COPS4: variants seen among roughly 807,000 people sequenced by gnomAD.
The protein encoded by COPS4 is COP9 signalosome complex subunit 4.
Under a neutral mutation model 55.1 loss-of-function variants are expected in COPS4, and 8 were observed. The ratio of observed to expected loss-of-function variants is 0.15; its 90% CI spans 0.09 to 0.26. The LOEUF is 0.26. Ranked by LOEUF, COPS4 falls within the 10% of genes least tolerant of loss-of-function variation. The pLI, the probability that COPS4 is intolerant of heterozygous loss-of-function variation, is 1.00. For synonymous variants in COPS4, 185 were observed against 165.7 expected (o/e 1.12, Z -0.90); for missense variants, 248 against 484.0 (o/e 0.51, Z 4.58).
At chr4:83,065,105 G>A (rs1731263604) in intron 7 of COPS4, 1 of 670,362 alleles carries the variant, frequency 1.5e-6, no homozygotes, top group Non-Finnish European at 2.7e-6. Flanking sequence ...GAACTCCTGG[G>A]CTCAAGCAGT....
At chr4:83,070,443 T>C (rs1231446943) in intron 9 of COPS4, among the ~76,000 whole-genome samples, 1 of 152,198 alleles carries the variant, frequency 6.6e-6, no homozygotes. Context: ...CTGAATTTAT[T>C]ATCTTCCCTT....
intron 6 of COPS4, among the ~76,000 whole-genome samples, chr4:83,057,689 G>C (rs528314229): frequency 1.3e-5 from 2 of 151,998 alleles, no homozygotes; most frequent in African/African-American, 4.8e-5. Context: ...TTGGGAGGCC[G>C]AGGCGGGTGG....
chr4:83,063,859 G>A (rs894361563), intron 7 of COPS4, among the ~76,000 whole-genome samples: 17 of 151,968 alleles, frequency 1.1e-4, no homozygotes, highest in East Asian at 3.9e-4. Context: ...ACATGCATGC[G>A]CCACCACGCC....
At chr4:83,041,467 C>T (rs186065447) in intron 1 of COPS4, among the ~76,000 whole-genome samples, 57 of 152,132 alleles carry the variant, frequency 3.7e-4, no homozygotes, top group Middle Eastern at 6.8e-3. Flanking sequence ...TTATTATCTA[C>T]GAAGCCTTAT....
intron 4 of COPS4, among the ~76,000 whole-genome samples, chr4:83,055,080 A>G (rs1296778002): frequency 1.3e-5 from 2 of 152,254 alleles, no homozygotes; most frequent in African/African-American, 4.8e-5. Context: ...CCCCCAAATC[A>G]ATAAAGTATA....
rs1731204673 is a variant in COPS4, at chr4:83,063,149, C to T, written c.789C>T (p.Ile263=). 1.9e-6 allele frequency: 3 copies of T among 1,609,918 alleles called. No homozygotes were observed. Among genetic ancestry groups the T allele is most frequent in the Non-Finnish European group, 2.5e-6 (3 of 1,178,382 alleles). Residue 263 remains isoleucine, a synonymous_variant, in exon 7 of 10, where the codon ATC becomes ATT. Transcript: ENST00000264389. ...GCCAGCAACTTGCTGCCTATGGGAT[C>T]CTAGAGAAAATGTATCTAGATAGGA... is the stretch of plus-strand genomic sequence containing the variant. ...ERCQQLAAYG[I]LEKMYLDRII...
intron 6 of COPS4, among the ~76,000 whole-genome samples, chr4:83,057,920 A>G: frequency 7.3e-6 from 1 of 136,702 alleles, no homozygotes; most frequent in African/African-American, 2.8e-5. Flanking sequence ...ACTCTGTCTC[A>G]AAAAAAAAAA....
At position 83,057,338 on chromosome 4, in the gene COPS4, A is replaced by G; in HGVS notation, c.645A>G (p.Thr215=). 6.2e-7 allele frequency: 1 copy of G among 1,613,500 alleles called. No homozygotes were observed. The highest frequency in any genetic ancestry group is 8.5e-7 in the Non-Finnish European group (1 of 1,179,772). ...AQRYNELSYK[T]IVHESERLEA... ...GGTACAATGAGCTCTCTTACAAGAC[A>G]ATAGTCCACGAAAGTGAAAGACTAG... The change falls in exon 6 of 10, where the codon ACA becomes ACG. Residue 215 remains threonine (T), a synonymous_variant. Coordinates refer to ENST00000264389, the MANE Select transcript of COPS4 (RefSeq NM_016129.3).
At chr4:83,044,074 C>T (rs1371523821) in intron 1 of COPS4, among the ~76,000 whole-genome samples, 7 of 152,268 alleles carry the variant, frequency 4.6e-5, no homozygotes, top group South Asian at 2.1e-4. Flanking sequence ...ATATTTATTT[C>T]GTAACTCTAT....
intron 1 of COPS4, among the ~76,000 whole-genome samples, chr4:83,042,715 C>T (rs1158854297): frequency 6.6e-6 from 1 of 151,822 alleles, no homozygotes; most frequent in Non-Finnish European, 1.5e-5. Flanking sequence ...CAATCCTCCC[C>T]CCTCAGCCTC....
intron 1 of COPS4, among the ~76,000 whole-genome samples, chr4:83,042,212 C>T (rs1393937575): frequency 1.3e-5 from 2 of 152,130 alleles, no homozygotes; most frequent in East Asian, 1.9e-4. Context: ...TTTTAATCTT[C>T]CCCTTTGTCT....
intron 4 of COPS4, among the ~76,000 whole-genome samples, chr4:83,052,968 A>C (rs185694075): frequency 4.6e-4 from 70 of 152,298 alleles, no homozygotes; most frequent in South Asian, 2.9e-3. Context: ...GGTTGAGGAG[A>C]GACAATAATG....
At chr4:83,050,031 A>AGTC in intron 4 of COPS4, 47 bp downstream of exon 4, 1 of 1,112,850 alleles carries the variant, frequency 9.0e-7, no homozygotes, top group Non-Finnish European at 1.3e-6. Flanking sequence ...GGATGTATAT[A>AGTC]ATTGCTCACT....
At chr4:83,053,877 C>A (rs1028544992) in intron 4 of COPS4, among the ~76,000 whole-genome samples, 6 of 147,134 alleles carry the variant, frequency 4.1e-5, no homozygotes, top group Non-Finnish European at 9.0e-5. Flanking sequence ...CTTACTCAAC[C>A]AATCTTACCT....
At chr4:83,051,698 A>C (rs755846809) in intron 4 of COPS4, among the ~76,000 whole-genome samples, 15 of 152,108 alleles carry the variant, frequency 9.9e-5, no homozygotes, top group Non-Finnish European at 2.1e-4. Context: ...ATTAGTCTGG[A>C]GATTAGAAGA....
chr4:83,054,873 T>A (rs1730977989), intron 4 of COPS4, among the ~76,000 whole-genome samples: 1 of 152,230 alleles, frequency 6.6e-6, no homozygotes, highest in Non-Finnish European at 1.5e-5. Flanking sequence ...GGGAACTTTT[T>A]CTTTCAAAAA....
At chr4:83,075,162 T>A in intron 9 of COPS4, 135 bp from the exon 10 acceptor site, 2 of 691,972 alleles carry the variant, frequency 2.9e-6, no homozygotes, top group Non-Finnish European at 4.7e-6. Context: ...GAATAGCTTT[T>A]TTCTGTTTTT....
At chr4:83,059,307 T>G (rs1221377372) in intron 6 of COPS4, among the ~76,000 whole-genome samples, 1 of 152,218 alleles carries the variant, frequency 6.6e-6, no homozygotes, top group African/African-American at 2.4e-5. Flanking sequence ...TTTGTTGACT[T>G]GCTTAGACAA....
chr4:83,066,636 A>G, intron 8 of COPS4, 83 bp downstream of exon 8: 1 of 680,608 alleles, frequency 1.5e-6, no homozygotes, highest in East Asian at 3.1e-5. Context: ...TAAATGTTGG[A>G]AACAACATTT....
Sources: allele counts gnomAD v4.1 joint callset (sites outside exome capture counted in the v4.1 genomes callset), GRCh38; gene constraint gnomAD v4.1.1; transcripts MANE v1.5; gene names NCBI Gene and HGNC (gene_info 2026-07-23, HGNC 2026-07-21).